Variants in SLC1A3 observed in about 807,000 individuals in gnomAD.
SLC1A3 encodes solute carrier family 1 member 3, also known as excitatory amino acid transporter 1.
A neutral mutation model predicts 48.1 loss-of-function variants in SLC1A3; 21 were observed. The ratio of observed to expected loss-of-function variants is 0.44; its 90% CI spans 0.31 to 0.63. SLC1A3 has a LOEUF of 0.63. Among genes scored for constraint, SLC1A3 ranks in the 20% least tolerant of loss-of-function variants. The pLI, the probability that SLC1A3 is intolerant of heterozygous loss-of-function variation, is 0.08. For missense variants in SLC1A3, 546 were observed against 689.0 expected, an observed-to-expected ratio of 0.79 and a Z score of 2.32; for synonymous variants, 239 against 251.4, an observed-to-expected ratio of 0.95 and a Z score of 0.47.
chr5:36,677,998 G>C (rs1012973372), intron 6 of SLC1A3, among the ~76,000 whole-genome samples: 26 of 152,342 alleles, frequency 1.7e-4, no homozygotes, highest in Non-Finnish European at 3.4e-4. Flanking sequence ...GACAAAGGAA[G>C]AGACTATAAA....
At chr5:36,627,710 T>C (rs947103137) in intron 2 of SLC1A3, among the ~76,000 whole-genome samples, 2 of 152,240 alleles carry the variant, frequency 1.3e-5, no homozygotes, top group African/African-American at 4.8e-5. Context: ...TTCCATGTGT[T>C]TAACTATGTA....
At chr5:36,600,004 T>C (rs1048094183) in intron 1 of SLC1A3, among the ~76,000 whole-genome samples, 3 of 152,132 alleles carry the variant, frequency 2.0e-5, no homozygotes, top group Non-Finnish European at 4.4e-5. Context: ...TCATGAATAC[T>C]GTGGAGTTCT....
At chr5:36,648,917 A>C (rs1472959986) in intron 3 of SLC1A3, among the ~76,000 whole-genome samples, 8 of 152,204 alleles carry the variant, frequency 5.3e-5, no homozygotes. Flanking sequence ...ACAAATACAT[A>C]CTTTTATACT....
chr5:36,605,350 A>C (rs751330616), upstream of SLC1A3, among the ~76,000 whole-genome samples: 1 of 152,220 alleles, frequency 6.6e-6, no homozygotes, highest in African/African-American at 2.4e-5. Context: ...ATGTACTTTC[A>C]GTAAGTTCTT....
intron 3 of SLC1A3, among the ~76,000 whole-genome samples, chr5:36,645,939 A>G (rs992826017): frequency 2.0e-5 from 3 of 152,180 alleles, no homozygotes; most frequent in African/African-American, 7.2e-5. Context: ...GCTCATTTTT[A>G]TTCTTGAATA....
At chr5:36,684,357 CCACATG>C (rs1416406082) in intron 9 of SLC1A3, among the ~76,000 whole-genome samples, 3 of 152,246 alleles carry the variant, frequency 2.0e-5, no homozygotes, top group Non-Finnish European at 4.4e-5. Flanking sequence ...GCTGCAGGCC[CCACATG>C]CCAGCTTAGG....
Position 36,626,970 on chromosome 5 carries a change from T to C in SLC1A3, c.182-2480T>C, listed in dbSNP as rs1394994829. Among the ~76,000 whole-genome samples, 3 of 152,132 alleles carry C rather than the reference T, an allele frequency of 2.0e-5. No individual in the cohort carries two copies. In the East Asian group the frequency reaches 5.8e-4, roughly 29 times the overall value. On this transcript the variant is annotated intron_variant, in intron 2 of 9. Transcript: ENST00000265113. ...TTGTGAGGGGGGAGGGAAATTAAAA[T>C]GTATAAACTCAAGAAGAAATCACCT...
chr5:36,643,511 T>C (rs901901600), intron 3 of SLC1A3, among the ~76,000 whole-genome samples: 54 of 152,146 alleles, frequency 3.5e-4, no homozygotes, highest in African/African-American at 1.3e-3. Context: ...TTAATGGGGG[T>C]GGCTTTTTGT....
intron 2 of SLC1A3, among the ~76,000 whole-genome samples, chr5:36,610,127 TA>T (rs1050008190): frequency 2.0e-5 from 3 of 152,172 alleles, no homozygotes; most frequent in African/African-American, 4.8e-5. Flanking sequence ...ACAACACTAG[TA>T]AACTCTAGAG....
chr5:36,624,877 G>A (rs948899170), intron 2 of SLC1A3, among the ~76,000 whole-genome samples: 24 of 152,142 alleles, frequency 1.6e-4, no homozygotes, highest in Non-Finnish European at 2.9e-5. Context: ...ACCTGTAAAG[G>A]GTTCCAAGAT....
chr5:36,619,364 G>A (rs1310960843), intron 2 of SLC1A3, among the ~76,000 whole-genome samples: 3 of 152,190 alleles, frequency 2.0e-5, no homozygotes, highest in Non-Finnish European at 4.4e-5. Context: ...ATACAGCCTG[G>A]CACAGTGACT....
At chr5:36,627,168 C>G (rs1036434677) in intron 2 of SLC1A3, among the ~76,000 whole-genome samples, 1 of 152,102 alleles carries the variant, frequency 6.6e-6, no homozygotes, top group African/African-American at 2.4e-5. Flanking sequence ...CACACACACA[C>G]ACGTACGTAC....
At chr5:36,611,768 C>A (rs1739208878) in intron 2 of SLC1A3, among the ~76,000 whole-genome samples, 1 of 152,162 alleles carries the variant, frequency 6.6e-6, no homozygotes, top group African/African-American at 2.4e-5. Context: ...AAAGAAATTT[C>A]TCCCTTTGGA....
chr5:36,623,800 T>G (rs1579961327), intron 2 of SLC1A3, among the ~76,000 whole-genome samples: 1 of 149,594 alleles, frequency 6.7e-6, no homozygotes, highest in African/African-American at 2.5e-5. Context: ...GAGGCAGAGG[T>G]TGCAGTGAGC....
chr5:36,672,932 C>T (rs1203804864), intron 4 of SLC1A3, among the ~76,000 whole-genome samples: 1 of 152,048 alleles, frequency 6.6e-6, no homozygotes, highest in Non-Finnish European at 1.5e-5. Flanking sequence ...ATTTTCTTTC[C>T]CTGTAATTTT....
intron 4 of SLC1A3, 108 bp downstream of exon 4, chr5:36,671,341 A>G (rs1741988672): frequency 1.3e-6 from 1 of 775,036 alleles, no homozygotes; most frequent in African/African-American, 1.7e-5. Context: ...CAGCCTTGCC[A>G]GGCTTGAAAT....
intron 5 of SLC1A3, among the ~76,000 whole-genome samples, chr5:36,676,266 C>A (rs939009191): frequency 6.6e-6 from 1 of 152,174 alleles, no homozygotes; most frequent in African/African-American, 2.4e-5. Flanking sequence ...CAGGTCTAAT[C>A]CCTGAAGGGC....
At chr5:36,629,683 T>G (rs528399352) in intron 3 of SLC1A3, 96 bp downstream of exon 3, 47 of 1,055,468 alleles carry the variant, frequency 4.5e-5, no homozygotes, top group Non-Finnish European at 7.0e-5. Flanking sequence ...TTCTGCTGGA[T>G]GCATGCTCTG....
rs962187337 is a variant in SLC1A3 at position 36,687,776 on chromosome 5, C to G, written c.*1507C>G. ...TGTCAATGAGGTTATGAGAAAAAAA[C>G]AGCAGGGGCATTAGTTTCAGGCAAG... On this transcript the variant is annotated 3_prime_UTR_variant, in exon 10 of 10. Transcript: ENST00000265113. 1.3e-5 allele frequency: 2 copies of G among 152,552 alleles called. No individual in the cohort carries two copies. Among genetic ancestry groups the G allele is most frequent in the Non-Finnish European group, 2.9e-5 (2 of 68,022 alleles). The allele number at this position is 152,552 out of a possible 1,614,324, so 9.4% of individuals were successfully genotyped here.
Sources: gnomAD v4.1 joint callset for allele counts (sites outside exome capture counted in the v4.1 genomes callset) on GRCh38, gnomAD v4.1.1 for gene constraint, MANE v1.5 for transcripts, NCBI Gene and HGNC (gene_info 2026-07-23, HGNC 2026-07-21) for gene names.